The following MCC variants were observed in gnomAD, a reference collection of about 807,000 sequenced individuals.
MCC encodes the protein MCC regulator of Wnt signaling pathway, also known as colorectal mutant cancer protein.
Under a neutral mutation model 116.2 loss-of-function variants are expected in MCC, and 90 were observed. The observed-to-expected ratio is 0.77, with a 90% CI of 0.65 to 0.92. MCC has a LOEUF of 0.92. Among genes scored for constraint, MCC ranks in the 40% least tolerant of loss-of-function variants. The pLI is 0.00. For synonymous variants in MCC, 578 were observed against 510.5 expected (o/e 1.13, Z -1.78); for missense variants, 1,516 against 1,312.2 (o/e 1.16, Z -2.40).
At chr5:113,297,706 C>T (rs769152) in intron 3 of MCC, among the ~76,000 whole-genome samples, 3 of 132,216 alleles carry the variant, frequency 2.3e-5, no homozygotes, top group Non-Finnish European at 4.6e-5. Flanking sequence ...GCGTCAAGAT[C>T]GTGCCACTGC....
At chr5:113,191,496 C>T (rs925013450) in intron 3 of MCC, among the ~76,000 whole-genome samples, 2 of 152,144 alleles carry the variant, frequency 1.3e-5, no homozygotes, top group African/African-American at 4.8e-5. Flanking sequence ...TCCTGCTGGG[C>T]CATGTTCCTT....
intron 6 of MCC, among the ~76,000 whole-genome samples, chr5:113,114,350 C>T (rs2150264120): frequency 6.6e-6 from 1 of 152,284 alleles, no homozygotes; most frequent in Non-Finnish European, 1.5e-5. Context: ...TCAGTGCAGC[C>T]ACCAGAACTG....
At chr5:113,342,724 G>A (rs1768046081) in intron 2 of MCC, among the ~76,000 whole-genome samples, 1 of 152,206 alleles carries the variant, frequency 6.6e-6, no homozygotes, top group African/African-American at 2.4e-5. Flanking sequence ...TGTCTTGTGG[G>A]TGCATCTGGT....
chr5:113,279,246 C>G (rs1309703621), intron 3 of MCC, among the ~76,000 whole-genome samples: 1 of 152,162 alleles, frequency 6.6e-6, no homozygotes, highest in Non-Finnish European at 1.5e-5. Flanking sequence ...CCACCCAACC[C>G]ACATAAGCAC....
intron 1 of MCC, among the ~76,000 whole-genome samples, chr5:113,402,483 A>G (rs2150399359): frequency 6.6e-6 from 1 of 152,170 alleles, no homozygotes; most frequent in Admixed American, 6.5e-5. Context: ...CACTCAGCAC[A>G]TGGAGGATTT....
At chr5:113,036,745 CCTT>C (rs1379061224) in intron 17 of MCC, among the ~76,000 whole-genome samples, 1 of 152,162 alleles carries the variant, frequency 6.6e-6, no homozygotes, top group African/African-American at 2.4e-5. Flanking sequence ...CCAGGCAAGG[CCTT>C]CTTCTCTTTG....
chr5:113,307,477 T>G (rs1027167050), intron 3 of MCC, among the ~76,000 whole-genome samples: 1 of 152,240 alleles, frequency 6.6e-6, no homozygotes, highest in Non-Finnish European at 1.5e-5. Flanking sequence ...TTGCAATTGA[T>G]TTTTGCACAT....
intron 5 of MCC, among the ~76,000 whole-genome samples, chr5:113,137,496 T>C (rs1758911663): frequency 6.6e-6 from 1 of 152,218 alleles, no homozygotes; most frequent in African/African-American, 2.4e-5. Flanking sequence ...ATTGTGTTTA[T>C]TTATTTGCAT....
intron 2 of MCC, among the ~76,000 whole-genome samples, chr5:113,367,348 G>GA (rs1040497994): frequency 7.2e-4 from 103 of 143,810 alleles, no homozygotes; most frequent in African/African-American, 1.9e-3. Flanking sequence ...CAAATTCTTA[G>GA]CCAATTATCT....
intron 3 of MCC, among the ~76,000 whole-genome samples, chr5:113,297,728 GGTGACAGA>G (rs1201335310): frequency 7.2e-6 from 1 of 138,982 alleles, no homozygotes; most frequent in African/African-American, 2.8e-5. Flanking sequence ...CTCCACCCTG[GGTGACAGA>G]GTGACTCTGT....
Position 113,385,102 on chromosome 5 carries a change from G to C in MCC, c.281C>G (p.Thr94Arg). Residue 94 changes from threonine (T) to arginine (R), a missense_variant, in exon 2 of 19, where the codon ACA (threonine) becomes AGA (arginine). By Grantham distance (71) the Thr-to-Arg change is moderately conservative (BLOSUM62 -1). Coordinates refer to ENST00000408903, the MANE Select transcript of MCC (RefSeq NM_001085377.2). ...TCGAACAAGCTGCATGCGGCATCTT[G>C]TGAAATCCTGAAAGGAAATCTTCCC... The part of the protein sequence containing the change: ...ENGKISFQDF[T>R]RCRMQLVREI... 1 of 1,614,164 alleles carries C rather than the reference G, an allele frequency of 6.2e-7. No homozygotes were observed. The highest frequency in any genetic ancestry group is 8.5e-7 in the Non-Finnish European group (1 of 1,180,034).
chr5:113,302,006 G>A (rs984658677), intron 3 of MCC, among the ~76,000 whole-genome samples: 3 of 152,090 alleles, frequency 2.0e-5, no homozygotes, highest in East Asian at 1.9e-4. Context: ...TTTACCACTA[G>A]GTAACCTAAA....
chr5:113,214,048 GTC>G (rs1232973627), intron 3 of MCC, among the ~76,000 whole-genome samples: 1 of 152,106 alleles, frequency 6.6e-6, no homozygotes, highest in Non-Finnish European at 1.5e-5. Context: ...TAGTATTATT[GTC>G]TCTCTCATTT....
At chr5:113,366,839 A>G (rs1435873706) in intron 2 of MCC, among the ~76,000 whole-genome samples, 1 of 152,132 alleles carries the variant, frequency 6.6e-6, no homozygotes, top group Non-Finnish European at 1.5e-5. Flanking sequence ...ATCTTACTCT[A>G]TCACCCAGGC....
intron 3 of MCC, among the ~76,000 whole-genome samples, chr5:113,311,511 G>A (rs907348915): frequency 6.6e-6 from 1 of 152,206 alleles, no homozygotes; most frequent in African/African-American, 2.4e-5. Flanking sequence ...ATATATGAGT[G>A]AGTCCAGGCT....
At chr5:113,431,829 C>T (rs1043183609) in intron 1 of MCC, among the ~76,000 whole-genome samples, 50 of 150,544 alleles carry the variant, frequency 3.3e-4, no homozygotes, top group Middle Eastern at 3.6e-3. Flanking sequence ...GATGAAACCC[C>T]GTTTCTACTA....
At chr5:113,054,495 G>C (rs1219085541) in intron 14 of MCC, among the ~76,000 whole-genome samples, 5 of 152,254 alleles carry the variant, frequency 3.3e-5, no homozygotes, top group African/African-American at 1.2e-4. Context: ...ATGATCCACA[G>C]ATGCGTGTCA....
At chr5:113,044,895 A>T (rs1751969484) in intron 16 of MCC, among the ~76,000 whole-genome samples, 1 of 152,128 alleles carries the variant, frequency 6.6e-6, no homozygotes, top group African/African-American at 2.4e-5. Flanking sequence ...ATTTTATAAG[A>T]TATGAGCTAC....
intron 8 of MCC, among the ~76,000 whole-genome samples, chr5:113,098,111 G>A (rs62374706): frequency 0.11 from 16,306 of 152,198 alleles, 2,133 homozygotes; most frequent in African/African-American, 0.31. Flanking sequence ...ATGGTTCAGC[G>A]GGACACAGTT....
Sources: allele counts gnomAD v4.1 joint callset (sites outside exome capture counted in the v4.1 genomes callset), GRCh38; gene constraint gnomAD v4.1.1; transcripts MANE v1.5; gene names NCBI Gene and HGNC (gene_info 2026-07-23, HGNC 2026-07-21).